SHISAL1: variants seen among roughly 807,000 people sequenced by gnomAD.
SHISAL1 encodes shisa like 1, also known as protein shisa-like-1.
SHISAL1 carries 9 observed loss-of-function variants against 22.6 expected under a neutral mutation model. The ratio of observed to expected loss-of-function variants is 0.40; its 90% CI spans 0.24 to 0.70. The LOEUF is 0.70. Among genes scored for constraint, SHISAL1 ranks in the 30% least tolerant of loss-of-function variants. SHISAL1 has a pLI of 0.39. For missense variants in SHISAL1, 246 were observed against 270.6 expected (o/e 0.91, Z 0.64); for synonymous variants, 119 against 115.4 (o/e 1.03, Z -0.20).
intron 4 of SHISAL1, among the ~76,000 whole-genome samples, chr22:44,279,325 C>T (rs2147286122): frequency 6.6e-6 from 1 of 152,344 alleles, no homozygotes; most frequent in African/African-American, 2.4e-5. Flanking sequence ...CTCAGGACAT[C>T]AACTGTCTTC....
chr22:44,303,054 C>T (rs577114762), intron 1 of SHISAL1, among the ~76,000 whole-genome samples: 2 of 152,032 alleles, frequency 1.3e-5, no homozygotes, highest in Non-Finnish European at 2.9e-5. Context: ...GAGTTGGAAA[C>T]GGAGGCTAGG....
At chr22:44,286,426 T>C (rs1248454004) in intron 3 of SHISAL1, among the ~76,000 whole-genome samples, 2 of 152,064 alleles carry the variant, frequency 1.3e-5, no homozygotes, top group Non-Finnish European at 2.9e-5. Flanking sequence ...GTGGCCAAAG[T>C]TGCGGGAGGG....
intron 4 of SHISAL1, among the ~76,000 whole-genome samples, chr22:44,261,941 A>G (rs1259031386): frequency 6.6e-6 from 1 of 152,192 alleles, no homozygotes; most frequent in Non-Finnish European, 1.5e-5. Flanking sequence ...GGCCCCTCAC[A>G]CTAGGCCTTC....
At chr22:44,321,833 G>A in the SHISAL1 span, among the ~76,000 whole-genome samples, 1 of 152,194 alleles carries the variant, frequency 6.6e-6, no homozygotes, top group Admixed American at 6.5e-5. Context: ...CCAAAGAGGA[G>A]TCAAAGAACA....
chr22:44,321,474 TTCCTACTGGCAGAATTGCTCCCCA>T, the SHISAL1 span, among the ~76,000 whole-genome samples: 15,014 of 152,152 alleles, frequency 0.099, 1,210 homozygotes, highest in African/African-American at 0.22. Context: ...CTCAGCCCCT[TTCCTACTGGCAGAATTGCTCCCCA>T]TCCTCTGTCA....
intron 3 of SHISAL1, among the ~76,000 whole-genome samples, chr22:44,288,074 G>A (rs1306049432): frequency 6.6e-6 from 1 of 152,168 alleles, no homozygotes; most frequent in Non-Finnish European, 1.5e-5. Context: ...ACCAGAAGTG[G>A]CAGTGGACGC....
chr22:44,251,365 T>A (rs1414044135), intron 4 of SHISAL1, among the ~76,000 whole-genome samples: 1 of 152,214 alleles, frequency 6.6e-6, no homozygotes, highest in African/African-American at 2.4e-5. Flanking sequence ...AAAGTTCCCA[T>A]GACCCCTTCT....
intron 4 of SHISAL1, among the ~76,000 whole-genome samples, chr22:44,264,969 A>G (rs1291731340): frequency 6.6e-6 from 1 of 151,988 alleles, no homozygotes. Context: ...CAGAGCCCCC[A>G]AAACACAACC....
the SHISAL1 span, among the ~76,000 whole-genome samples, chr22:44,325,662 G>A: frequency 1.3e-5 from 2 of 152,074 alleles, no homozygotes; most frequent in African/African-American, 4.8e-5. Flanking sequence ...CCCATCTCTG[G>A]GCTCAGCTCT....
Position 44,259,172 on chromosome 22 carries a change from G to A in SHISAL1, c.*-9487C>T, listed in dbSNP as rs188962121. On this transcript the variant is annotated intron_variant, in intron 4 of 4. Transcript: ENST00000381176. ...AAACGGCCAGAAGCGGGCCAGGTGC[G>A]GTGGCTCATGCCTGTAATCCCAGCA... Among the ~76,000 whole-genome samples, 498 of 152,300 alleles carry A rather than the reference G, an allele frequency of 3.3e-3. 2 individuals are homozygous for A. The highest frequency in any genetic ancestry group is 0.011 in the African/African-American group (462 of 41,558).
intron 4 of SHISAL1, among the ~76,000 whole-genome samples, chr22:44,278,772 T>C (rs1485710456): frequency 6.6e-6 from 1 of 152,082 alleles, no homozygotes; most frequent in Non-Finnish European, 1.5e-5. Flanking sequence ...GGATCCTAGC[T>C]GGGCCACAGT....
At position 44,246,254 on chromosome 22, in the gene SHISAL1, CATTA is replaced by C. The variant is rs1012357161; in HGVS notation, c.*3427_*3430del. The C allele has an allele frequency of 2.0e-5, 3 of 152,234 alleles. No individual in the cohort carries two copies. The highest frequency in any genetic ancestry group is 7.2e-5 in the African/African-American group (3 of 41,448). The allele number at this position is 152,234 out of a possible 1,614,324, so 9.4% of individuals were successfully genotyped here. On this transcript the variant is annotated 3_prime_UTR_variant, in exon 5 of 5. Transcript: ENST00000381176. ...ACGAGAGGGAAAGCATAAAACTGCTCATTAATTACACACAGTTCCCAGTGGGAAA... is the reference window on the plus strand; with the variant it reads ...ACGAGAGGGAAAGCATAAAACTGCTCATTACACACAGTTCCCAGTGGGAAA...
intron 4 of SHISAL1, among the ~76,000 whole-genome samples, chr22:44,268,392 G>A (rs1270930888): frequency 6.6e-6 from 1 of 152,156 alleles, no homozygotes; most frequent in Non-Finnish European, 1.5e-5. Context: ...ACCTCCATTA[G>A]CCAGATAGAA....
At chr22:44,267,283 T>C (rs1167914182) in intron 4 of SHISAL1, among the ~76,000 whole-genome samples, 2 of 151,876 alleles carry the variant, frequency 1.3e-5, no homozygotes, top group Admixed American at 6.6e-5. Context: ...TCGGGGCATC[T>C]CAAACTCAAA....
chr22:44,301,531 TA>T (rs1192378419), intron 1 of SHISAL1, among the ~76,000 whole-genome samples: 1 of 152,168 alleles, frequency 6.6e-6, no homozygotes, highest in African/African-American at 2.4e-5. Context: ...AATGAATGTT[TA>T]AAATGCTCCG....
At chr22:44,259,028 C>T (rs184588146) in intron 4 of SHISAL1, among the ~76,000 whole-genome samples, 3 of 152,226 alleles carry the variant, frequency 2.0e-5, no homozygotes, top group Non-Finnish European at 4.4e-5. Flanking sequence ...CTGGCTGACT[C>T]GACCATGAGG....
At chr22:44,303,731 G>C (rs955410795) in intron 1 of SHISAL1, among the ~76,000 whole-genome samples, 17 of 152,188 alleles carry the variant, frequency 1.1e-4, no homozygotes, top group African/African-American at 4.1e-4. Flanking sequence ...GGGCTGGGTT[G>C]GGTCCACACG....
rs1481443612 is a variant in SHISAL1, at chr22:44,252,521, C to T, written c.*-2836G>A. Among the ~76,000 whole-genome samples, 3 of 151,418 alleles carry T rather than the reference C, an allele frequency of 2.0e-5. No homozygotes were observed. In the East Asian group the frequency reaches 5.8e-4, roughly 29 times the overall value. On this transcript the variant is annotated intron_variant, in intron 4 of 4. Coordinates refer to ENST00000381176, the MANE Select transcript of SHISAL1 (RefSeq NM_001099294.2). ...GAGACCATATGGTAAAAATTGACAA[C>T]CCCCACAAAACTATAAAAGCAGAAA...
chr22:44,304,482 C>T (rs1032787276), intron 1 of SHISAL1, among the ~76,000 whole-genome samples: 4 of 152,190 alleles, frequency 2.6e-5, no homozygotes, highest in African/African-American at 9.7e-5. Flanking sequence ...GCCACTGAAA[C>T]GCAGGCCTCT....
Sources: gnomAD v4.1 joint callset for allele counts (sites outside exome capture counted in the v4.1 genomes callset) on GRCh38, gnomAD v4.1.1 for gene constraint, MANE v1.5 for transcripts, NCBI Gene and HGNC (gene_info 2026-07-23, HGNC 2026-07-21) for gene names.